SPON1: variants seen among roughly 807,000 people sequenced by gnomAD.
SPON1 encodes spondin 1, also known as spondin-1.
A neutral mutation model predicts 111.7 loss-of-function variants in SPON1; 52 were observed. That is an observed-to-expected ratio of 0.47 (90% confidence interval 0.37 to 0.59). The LOEUF (loss-of-function observed/expected upper bound fraction) is 0.59. Among genes scored for constraint, SPON1 ranks in the 20% least tolerant of loss-of-function variants. The probability of loss-of-function intolerance (pLI) is 0.00; values close to 1 mark genes in which losing one functional copy is unlikely to be tolerated. For missense variants in SPON1, 957 were observed against 1,068.5 expected (o/e 0.90, Z 1.46); for synonymous variants, 410 against 395.8 (o/e 1.04, Z -0.43).
chr11:14,059,581 G>C (rs1848774782), intron 3 of SPON1, among the ~76,000 whole-genome samples: 1 of 152,080 alleles, frequency 6.6e-6, no homozygotes, highest in Admixed American at 6.5e-5. Flanking sequence ...AGACCAGAGG[G>C]GCTGGCACAT....
intron 1 of SPON1, among the ~76,000 whole-genome samples, chr11:13,981,601 C>G (rs1848144870): frequency 6.6e-6 from 1 of 152,222 alleles, no homozygotes; most frequent in South Asian, 2.1e-4. Context: ...GCTGGGATTA[C>G]AGGCGTGAGC....
intron 6 of SPON1, among the ~76,000 whole-genome samples, chr11:14,144,928 G>A (rs1847701558): frequency 6.6e-6 from 1 of 151,998 alleles, no homozygotes. Flanking sequence ...CCTTATTTGG[G>A]TTACATTGAT....
chr11:13,970,761 G>A (rs1285600729), intron 1 of SPON1, among the ~76,000 whole-genome samples: 1 of 152,138 alleles, frequency 6.6e-6, no homozygotes, highest in Non-Finnish European at 1.5e-5. Context: ...TCTTTTAAGG[G>A]AATCTCTTTA....
chr11:14,085,776 A>T (rs1381897320), intron 5 of SPON1, among the ~76,000 whole-genome samples: 1 of 152,176 alleles, frequency 6.6e-6, no homozygotes, highest in Non-Finnish European at 1.5e-5. Context: ...CTTCCTATCC[A>T]TGAGCATGGA....
chr11:14,142,030 C>T (rs1554928837), intron 6 of SPON1, among the ~76,000 whole-genome samples: 1 of 152,160 alleles, frequency 6.6e-6, no homozygotes, highest in Non-Finnish European at 1.5e-5. Flanking sequence ...GGCTCCATCC[C>T]CTGCCAACTA....
chr11:14,163,220 G>A (rs565703375), intron 6 of SPON1, among the ~76,000 whole-genome samples: 5 of 152,174 alleles, frequency 3.3e-5, no homozygotes, highest in Non-Finnish European at 5.9e-5. Context: ...ACCCTAAGAA[G>A]TAGGGCTATT....
At chr11:14,019,977 T>C (rs1344261160) in intron 2 of SPON1, among the ~76,000 whole-genome samples, 2 of 152,318 alleles carry the variant, frequency 1.3e-5, no homozygotes, top group East Asian at 3.9e-4. Flanking sequence ...GCAGGTCACA[T>C]GGTCACCTGA....
intron 3 of SPON1, among the ~76,000 whole-genome samples, chr11:14,066,303 A>T (rs1176610541): frequency 6.6e-6 from 1 of 152,222 alleles, no homozygotes; most frequent in Non-Finnish European, 1.5e-5. Context: ...AGGCTCAGGG[A>T]TTAGACAAAT....
chr11:14,241,298 T>C (rs1848923814), intron 6 of SPON1, among the ~76,000 whole-genome samples: 1 of 152,154 alleles, frequency 6.6e-6, no homozygotes. Flanking sequence ...GGAGCAGAAC[T>C]AGATGATGAG....
At chr11:14,089,075 C>T (rs1554923013) in intron 5 of SPON1, among the ~76,000 whole-genome samples, 4 of 151,980 alleles carry the variant, frequency 2.6e-5, no homozygotes, top group South Asian at 2.1e-4. Flanking sequence ...GGTTAGAACA[C>T]GTTCCTTTAC....
chr11:14,066,151 T>G (rs1848830775), intron 3 of SPON1, among the ~76,000 whole-genome samples: 1 of 152,230 alleles, frequency 6.6e-6, no homozygotes. Flanking sequence ...TAAGGCTGAT[T>G]GAAAAATAAA....
chr11:14,161,201 T>A (rs184548271), intron 6 of SPON1, among the ~76,000 whole-genome samples: 58 of 28,210 alleles, frequency 2.1e-3, no homozygotes, highest in South Asian at 4.9e-3. Flanking sequence ...CTATATATAT[T>A]TATATATTTA....
In SPON1 at chr11:14,259,143, T is replaced by G. The variant is rs1849142387; in HGVS notation, c.1493-137T>G. 1.1e-6 allele frequency: 1 copy of G among 891,612 alleles called. No individual in the cohort carries two copies. Among genetic ancestry groups the G allele is most frequent in the Non-Finnish European group, 1.6e-6 (1 of 607,488 alleles). 55.2% of individuals were successfully genotyped at this position (891,612 alleles called of 1,614,324 possible). On this transcript the variant is annotated intron_variant, in intron 11 of 15. Coordinates refer to ENST00000576479, the MANE Select transcript of SPON1 (RefSeq NM_006108.4). The surrounding 1 kb of genome is among the most constrained non-coding windows in gnomAD (Gnocchi z 5.0). ...TAGAGAACTTTGCCAGTTTAAGGAT[T>G]TAGACCTCTTAGGTGTGCAGACAAC...
chr11:14,101,376 G>A (rs1331773866), intron 5 of SPON1, among the ~76,000 whole-genome samples: 1 of 151,602 alleles, frequency 6.6e-6, no homozygotes, highest in Non-Finnish European at 1.5e-5. Context: ...CTCCAGCCTG[G>A]GTGACAGAGT....
rs148329297 is a variant in SPON1 at position 14,187,938 on chromosome 11, C to T, written c.825+52370C>T. Among the ~76,000 whole-genome samples, 497 of 152,232 alleles carry T rather than the reference C, an allele frequency of 3.3e-3. 2 individuals carry two copies. The highest frequency in any genetic ancestry group is 0.011 in the African/African-American group (444 of 41,534). On this transcript the variant is annotated intron_variant, in intron 6 of 15. Coordinates refer to ENST00000576479, the MANE Select transcript of SPON1 (RefSeq NM_006108.4). ...CTGGGATTACAGGCATGTGCCACCA[C>T]GCCTGGCTAATTTTGTATTATTAGT... is the stretch of plus-strand genomic sequence containing the variant.
At chr11:14,223,086 C>A (rs1554937744) in intron 6 of SPON1, among the ~76,000 whole-genome samples, 2 of 152,180 alleles carry the variant, frequency 1.3e-5, no homozygotes, top group Admixed American at 1.3e-4. Context: ...AAAAGTGGGC[C>A]GAGCATGGTG....
intron 6 of SPON1, among the ~76,000 whole-genome samples, chr11:14,138,504 C>T (rs1388837010): frequency 6.6e-6 from 1 of 152,044 alleles, no homozygotes; most frequent in East Asian, 1.9e-4. Context: ...GGCCACAATG[C>T]TCACCCTTTC....
At chr11:14,093,423 C>T (rs1345221320) in intron 5 of SPON1, among the ~76,000 whole-genome samples, 2 of 152,192 alleles carry the variant, frequency 1.3e-5, no homozygotes, top group African/African-American at 2.4e-5. Context: ...CCCATAGAGA[C>T]CCTTTAATCA....
At chr11:14,077,777 G>A (rs1160590362) in intron 4 of SPON1, among the ~76,000 whole-genome samples, 4 of 151,126 alleles carry the variant, frequency 2.6e-5, no homozygotes, top group African/African-American at 9.7e-5. Flanking sequence ...GAGCTACCGT[G>A]CCCGGCCCTG....
Sources: allele counts gnomAD v4.1 joint callset (sites outside exome capture counted in the v4.1 genomes callset), GRCh38; gene constraint gnomAD v4.1.1; non-coding constraint Gnocchi (gnomAD v3.1); transcripts MANE v1.5; gene names NCBI Gene and HGNC (gene_info 2026-07-23, HGNC 2026-07-21).